The following CNTLN variants were observed in gnomAD, a reference collection of about 807,000 sequenced individuals.
CNTLN encodes centlein, centrosomal protein.
In CNTLN, 212 loss-of-function variants were observed where a neutral mutation model predicts 180.0. The ratio of observed to expected loss-of-function variants is 1.18; its 90% CI spans 1.05 to 1.32. CNTLN has a LOEUF of 1.32. Among genes scored for constraint, CNTLN ranks in the 40% most tolerant of loss-of-function variants. The probability of loss-of-function intolerance (pLI) is 0.00; values close to 1 mark genes in which losing one functional copy is unlikely to be tolerated. For synonymous variants in CNTLN, 722 were observed against 563.1 expected (o/e 1.28, Z -3.99); for missense variants, 2,095 against 1,610.9 (o/e 1.30, Z -5.14).
chr9:17,170,891 A>T (rs767756312), intron 2 of CNTLN, among the ~76,000 whole-genome samples: 31 of 152,146 alleles, frequency 2.0e-4, no homozygotes, highest in Non-Finnish European at 5.9e-5. Context: ...GTTTACATGC[A>T]CAAATACTTA....
intron 2 of CNTLN, among the ~76,000 whole-genome samples, chr9:17,164,419 G>A (rs148154286): frequency 0.017 from 2,515 of 145,028 alleles, 55 homozygotes; most frequent in African/African-American, 0.045. Context: ...GACCAAGTCC[G>A]GATTTAACAT....
intron 18 of CNTLN, chr9:17,448,110 CG>C (rs1286897764): frequency 1.1e-4 from 22 of 193,278 alleles, no homozygotes; most frequent in Admixed American, 7.9e-4. Context: ...GGCCAAGTAC[CG>C]TACTCCCTTC....
chr9:17,477,716 C>G (rs913065730), intron 23 of CNTLN, among the ~76,000 whole-genome samples: 5 of 152,204 alleles, frequency 3.3e-5, no homozygotes, highest in South Asian at 2.1e-4. Context: ...GGAGTTGCCT[C>G]TTAGGGACGA....
intron 5 of CNTLN, among the ~76,000 whole-genome samples, chr9:17,238,332 C>T (rs536601369): frequency 6.6e-6 from 1 of 152,162 alleles, no homozygotes; most frequent in Admixed American, 6.5e-5. Flanking sequence ...TTAATCTATT[C>T]ATAATTTATT....
intron 8 of CNTLN, among the ~76,000 whole-genome samples, chr9:17,329,647 G>C (rs1045415386): frequency 6.6e-6 from 1 of 151,608 alleles, no homozygotes; most frequent in African/African-American, 2.4e-5. Flanking sequence ...AAAATTTTGC[G>C]TATCCTCTCA....
chr9:17,208,412 G>T (rs1036435487), intron 2 of CNTLN, among the ~76,000 whole-genome samples: 4 of 152,124 alleles, frequency 2.6e-5, no homozygotes, highest in African/African-American at 7.2e-5. Flanking sequence ...GTTCATCAGG[G>T]GTATTGGCCA....
the CNTLN span, among the ~76,000 whole-genome samples, chr9:17,514,428 C>G: frequency 6.6e-6 from 1 of 152,176 alleles, no homozygotes; most frequent in African/African-American, 2.4e-5. Context: ...TTATCATTAA[C>G]ATCGATCTAG....
At chr9:17,430,753 C>T (rs942343808) in intron 18 of CNTLN, among the ~76,000 whole-genome samples, 8 of 152,098 alleles carry the variant, frequency 5.3e-5, no homozygotes, top group African/African-American at 1.9e-4. Context: ...TCACTACCTT[C>T]AAGTGATCAA....
intron 8 of CNTLN, among the ~76,000 whole-genome samples, chr9:17,316,171 C>A (rs1370900392): frequency 6.6e-6 from 1 of 151,648 alleles, no homozygotes; most frequent in Admixed American, 6.6e-5. Flanking sequence ...TGAATCGATT[C>A]TTTTATCATT....
chr9:17,180,258 A>G (rs1056977288), intron 2 of CNTLN, among the ~76,000 whole-genome samples: 3 of 130,636 alleles, frequency 2.3e-5, no homozygotes, highest in African/African-American at 8.6e-5. Flanking sequence ...CCTGTTGGCT[A>G]TTGGAACGCA....
intron 5 of CNTLN, among the ~76,000 whole-genome samples, chr9:17,248,084 A>C (rs1259977887): frequency 6.6e-6 from 1 of 152,138 alleles, no homozygotes; most frequent in East Asian, 1.9e-4. Flanking sequence ...TCAACCTCCC[A>C]AAATGTTGGG....
intron 23 of CNTLN, among the ~76,000 whole-genome samples, chr9:17,477,293 C>A (rs940004088): frequency 1.3e-5 from 2 of 152,166 alleles, no homozygotes; most frequent in Non-Finnish European, 1.5e-5. Flanking sequence ...TTCATGCCTG[C>A]TAATATAGTA....
chr9:17,524,607 AACAATT>A, the CNTLN span, among the ~76,000 whole-genome samples: 15 of 152,380 alleles, frequency 9.8e-5, no homozygotes, highest in African/African-American at 3.6e-4. Flanking sequence ...ACATAAACTT[AACAATT>A]ACAATATTCC....
chr9:17,475,413 C>G (rs1367081412), intron 23 of CNTLN, among the ~76,000 whole-genome samples: 2 of 149,220 alleles, frequency 1.3e-5, no homozygotes, highest in East Asian at 3.9e-4. Context: ...TAAAGATGGC[C>G]ATAAGAATAA....
chr9:17,344,059 A>C (rs1821692190), intron 12 of CNTLN, among the ~76,000 whole-genome samples: 2 of 152,240 alleles, frequency 1.3e-5, no homozygotes, highest in African/African-American at 4.8e-5. Context: ...TAAAAAAGAA[A>C]GTAATTTTGA....
chr9:17,188,465 T>C (rs566151609), intron 2 of CNTLN, among the ~76,000 whole-genome samples: 4 of 152,254 alleles, frequency 2.6e-5, no homozygotes, highest in African/African-American at 9.6e-5. Flanking sequence ...TCTTTGCAAA[T>C]GACTTATTTT....
downstream of CNTLN, among the ~76,000 whole-genome samples, chr9:17,504,100 TA>T (rs71331492): frequency 0.92 from 139,031 of 151,484 alleles, 64,544 homozygotes; most frequent in Non-Finnish European, 0.98. Flanking sequence ...TTACTGCAAT[TA>T]AAAAAAAAAT....
Position 17,298,256 on chromosome 9 carries a change from G to C in CNTLN, c.1050G>C (p.Glu350Asp). ...QNSTHTAQQA[E>D]LIQQLQVLNM... ...GTACACATACAGCCCAGCAAGCAGA[G>C]CTGATCCAGCAGCTTCAGGTTCTCA... is the stretch of plus-strand genomic sequence containing the variant. The change falls in exon 7 of 26, where the codon GAG (glutamate) becomes GAC (aspartate). Residue 350 changes from glutamate (E) to aspartate (D), a missense_variant. Transcript: ENST00000380647. 6.2e-7 allele frequency: 1 copy of C among 1,613,160 alleles called. No individual in the cohort carries two copies. The highest frequency in any genetic ancestry group is 8.5e-7 in the Non-Finnish European group (1 of 1,179,688).
At chr9:17,435,232 T>A (rs1359613896) in intron 18 of CNTLN, among the ~76,000 whole-genome samples, 2 of 152,180 alleles carry the variant, frequency 1.3e-5, no homozygotes, top group Non-Finnish European at 2.9e-5. Context: ...GTTTTTTGGT[T>A]GTTGTTTGTT....
Sources: allele counts gnomAD v4.1 joint callset (sites outside exome capture counted in the v4.1 genomes callset), GRCh38; gene constraint gnomAD v4.1.1; transcripts MANE v1.5; gene names NCBI Gene and HGNC (gene_info 2026-07-23, HGNC 2026-07-21).